TEX11: variants seen among roughly 807,000 people sequenced by gnomAD.
TEX11 encodes testis expressed 11, also known as testis-expressed protein 11.
TEX11 carries 7 observed loss-of-function variants against 84.4 expected under a neutral mutation model. That is an observed-to-expected ratio of 0.08 (90% CI 0.05 to 0.16). The LOEUF is 0.16. TEX11 is among the 10% of genes least tolerant of loss of function. The pLI, the probability that TEX11 is intolerant of heterozygous loss-of-function variation, is 1.00. For synonymous variants in TEX11, 264 were observed against 222.8 expected (o/e 1.18, Z -1.64); for missense variants, 551 against 660.5 (o/e 0.83, Z 1.82).
chrX:70,653,085 A>G (rs1225088462), intron 16 of TEX11, among the ~76,000 whole-genome samples: 2 of 112,227 alleles, frequency 1.8e-5, no homozygotes, highest in African/African-American at 6.5e-5. Flanking sequence ...AACCCAAACT[A>G]TAAAACTTTT....
At chrX:70,782,666 A>AAAAAAAAAAAAAAAAAAAAG (rs2091048802) in intron 9 of TEX11, among the ~76,000 whole-genome samples, 1 of 100,939 alleles carries the variant, frequency 9.9e-6, no homozygotes, top group African/African-American at 3.6e-5. Flanking sequence ...AAAAAAAAAA[A>AAAAAAAAAAAAAAAAAAAAG]CAGGGGTTGC....
chrX:70,796,330 A>C (rs776197648), intron 9 of TEX11, among the ~76,000 whole-genome samples: 1 of 111,901 alleles, frequency 8.9e-6, no homozygotes, highest in Non-Finnish European at 1.9e-5. Flanking sequence ...AGAATGAAGT[A>C]TTCCTACAAG....
intron 13 of TEX11, among the ~76,000 whole-genome samples, chrX:70,711,043 G>GT (rs1432106220): frequency 9.1e-6 from 1 of 109,567 alleles, no homozygotes; most frequent in Non-Finnish European, 1.9e-5. Context: ...GTGGTGTTTG[G>GT]TTTTTTGTCC....
At chrX:70,645,549 G>GA (rs201930662) in intron 17 of TEX11, among the ~76,000 whole-genome samples, 46,294 of 108,898 alleles carry the variant, frequency 0.43, 8,373 homozygotes, top group East Asian at 0.58. Context: ...CAGAGGCAAT[G>GA]AAAAAAAATT....
chrX:70,629,406 G>T (rs1569364768), intron 18 of TEX11, among the ~76,000 whole-genome samples: 1 of 111,776 alleles, frequency 8.9e-6, no homozygotes, highest in African/African-American at 3.2e-5. Context: ...GCACAACTCT[G>T]TTACCTCACT....
At chrX:70,579,439 G>A (rs1438335363) in intron 25 of TEX11, among the ~76,000 whole-genome samples, 1 of 107,223 alleles carries the variant, frequency 9.3e-6, no homozygotes, top group East Asian at 3.0e-4. Context: ...GGAGCTTACA[G>A]TAAGCCGAGA....
At chrX:70,751,870 G>T (rs1238430983) in intron 9 of TEX11, among the ~76,000 whole-genome samples, 1 of 111,982 alleles carries the variant, frequency 8.9e-6, no homozygotes, top group Non-Finnish European at 1.9e-5. Flanking sequence ...AATTATGGAG[G>T]TAATTATAAA....
At chrX:70,545,990 G>A (rs2088117458) in intron 28 of TEX11, among the ~76,000 whole-genome samples, 1 of 111,955 alleles carries the variant, frequency 8.9e-6, no homozygotes, top group African/African-American at 3.2e-5. Flanking sequence ...CTTTAAGCAA[G>A]GCATGTAGTG....
Position 70,864,601 on chromosome X carries a change from G to C in TEX11, c.245-3665C>G, listed in dbSNP as rs1325904379. ...AAATACAAAAAAAAAAATTAGCTGG[G>C]CATGGTGGCACACACCTGTAGTCTC... On this transcript the variant is annotated intron_variant, in intron 4 of 29. Transcript: ENST00000374333. Among the ~76,000 whole-genome samples, 3 of 107,699 alleles carry C rather than the reference G, an allele frequency of 2.8e-5. 1 individual carries two copies. Among genetic ancestry groups the C allele is most frequent in the Non-Finnish European group, 5.8e-5 (3 of 52,136 alleles). The allele number at this position is 107,699 out of a possible 115,157, so 93.5% of individuals were successfully genotyped here. A position where few individuals can be genotyped will look rare whatever the true frequency, so the allele number is the denominator to read the frequency against.
chrX:70,894,432 C>A (rs1315632286), intron 2 of TEX11, among the ~76,000 whole-genome samples: 1 of 110,273 alleles, frequency 9.1e-6, no homozygotes, highest in Non-Finnish European at 1.9e-5. Context: ...TCGAGACCAT[C>A]CTGGCCAACC....
At chrX:70,641,444 C>T (rs1303295997) in intron 17 of TEX11, among the ~76,000 whole-genome samples, 1 of 111,000 alleles carries the variant, frequency 9.0e-6, no homozygotes, top group Non-Finnish European at 1.9e-5. Context: ...GAACTCTCCA[C>T]CCCAAATCAA....
chrX:70,725,819 G>A (rs949483412), intron 11 of TEX11, among the ~76,000 whole-genome samples: 15 of 111,901 alleles, frequency 1.3e-4, no homozygotes, highest in African/African-American at 4.5e-4. Context: ...TAAGCCATCT[G>A]TGATCTTCCC....
At chrX:70,873,452 G>T in intron 3 of TEX11, 145 bp from the exon 4 acceptor site, 1 of 430,936 alleles carries the variant, frequency 2.3e-6, no homozygotes, top group South Asian at 4.2e-5. Flanking sequence ...ACCTCTCCCC[G>T]CAAAAACTTA....
intron 2 of TEX11, among the ~76,000 whole-genome samples, chrX:70,900,535 C>T (rs1335204150): frequency 1.8e-5 from 2 of 110,488 alleles, no homozygotes; most frequent in African/African-American, 6.6e-5. Context: ...TCCGAACAAC[C>T]TAATGATGCA....
chrX:70,704,124 T>C (rs1412558011), intron 13 of TEX11, among the ~76,000 whole-genome samples: 2 of 109,939 alleles, frequency 1.8e-5, no homozygotes, highest in Non-Finnish European at 3.8e-5. Flanking sequence ...TGTCTCTCTC[T>C]CTCTCTCTCT....
At chrX:70,617,371 T>C (rs12854292) in intron 20 of TEX11, among the ~76,000 whole-genome samples, 1 of 106,537 alleles carries the variant, frequency 9.4e-6, no homozygotes, top group Non-Finnish European at 1.9e-5. Context: ...TATATATACA[T>C]ATATATCATT....
chrX:70,857,623 G>GA, intron 5 of TEX11: 2 of 292,607 alleles, frequency 6.8e-6, no homozygotes, highest in Non-Finnish European at 1.3e-5. Context: ...ATGGCAATAA[G>GA]AAAAATGATA....
At chrX:70,838,236 C>T (rs141495889) in intron 7 of TEX11, among the ~76,000 whole-genome samples, 1,660 of 111,224 alleles carry the variant, frequency 0.015, 23 homozygotes, top group African/African-American at 0.051. Context: ...CTGGTCAACA[C>T]GGTGAAACAC....
rs370466452 is a variant in TEX11 at position 70,729,675 on chromosome X, G to A, written c.844-4332C>T. On this transcript the variant is annotated intron_variant, in intron 11 of 29. Coordinates refer to ENST00000374333, the MANE Select transcript of TEX11 (RefSeq NM_031276.3). The stretch of plus-strand genomic sequence containing the variant: ...GGGACTATGTGAAAAGACCAAATCT[G>A]CGTCTGATTGGTGTACCTGAAAGTG... 7.1e-5 allele frequency among the ~76,000 whole-genome samples: 8 copies of A among 111,925 alleles called. No homozygotes were observed. In the South Asian group the frequency reaches 1.5e-3, roughly 21 times the overall value.
Sources: allele counts gnomAD v4.1 joint callset (sites outside exome capture counted in the v4.1 genomes callset), GRCh38; gene constraint gnomAD v4.1.1; transcripts MANE v1.5; gene names NCBI Gene and HGNC (gene_info 2026-07-23, HGNC 2026-07-21).